LRRC72: variants seen among roughly 807,000 people sequenced by gnomAD.
LRRC72 encodes leucine-rich repeat-containing protein 72.
A neutral mutation model predicts 35.8 loss-of-function variants in LRRC72; 41 were observed. The observed-to-expected ratio is 1.15, with a 90% CI of 0.89 to 1.49. LRRC72 has a LOEUF of 1.49. LRRC72 is among the 40% of genes most tolerant of loss of function. The pLI, the probability that LRRC72 is intolerant of heterozygous loss-of-function variation, is 0.00. For synonymous variants in LRRC72, 118 were observed against 119.2 expected, an observed-to-expected ratio of 0.99 and a Z score of 0.07; for missense variants, 389 against 330.7, an observed-to-expected ratio of 1.18 and a Z score of -1.37.
In LRRC72 at chr7:16,581,537, CT is replaced by C. The variant is rs2128339756; in HGVS notation, c.*50del. The C allele has an allele frequency of 7.2e-7, 1 of 1,382,634 alleles. No individual in the cohort carries two copies. Among genetic ancestry groups the C allele is most frequent in the East Asian group, 2.7e-5 (1 of 37,366 alleles). The allele number at this position is 1,382,634 out of a possible 1,614,324, so 85.6% of individuals were successfully genotyped here. A position where few individuals can be genotyped will look rare whatever the true frequency, so the allele number is the denominator to read the frequency against. ...TAGTGGTTTTCAGTTGTATATTAAA[CT>C]TCCCTGTGACTTAGCATATTACATA... is the stretch of plus-strand genomic sequence containing the variant. On this transcript the variant is annotated 3_prime_UTR_variant, in exon 9 of 9. Coordinates refer to ENST00000401542, the MANE Select transcript of LRRC72 (RefSeq NM_001195280.2).
Position 16,546,942 on chromosome 7 carries a change from C to A in LRRC72, c.234+9246C>A, listed in dbSNP as rs1413210027. ...GTCTGGAGCAGTTGCTGCCATTATACCAGCTGCAGCAGGGAGGTATGGACA... is the reference window on the plus strand; with the variant it reads ...GTCTGGAGCAGTTGCTGCCATTATAACAGCTGCAGCAGGGAGGTATGGACA... On this transcript the variant is annotated intron_variant, in intron 3 of 8. Transcript: ENST00000401542. 3.3e-5 allele frequency among the ~76,000 whole-genome samples: 5 copies of A among 152,310 alleles called. No individual in the cohort carries two copies. The South Asian group carries it at 1.0e-3, about 32-fold the overall frequency.
chr7:16,558,823 T>C (rs1782694995), intron 4 of LRRC72, 66 bp from the exon 5 acceptor site: 1 of 967,026 alleles, frequency 1.0e-6, no homozygotes, highest in Non-Finnish European at 1.4e-6. Context: ...TTTATTTTTA[T>C]TTGCAATAAA....
chr7:16,580,094 G>A lies in LRRC72; in HGVS notation c.691G>A (p.Val231Ile), dbSNP rs1783115650. 2.5e-6 allele frequency: 1 copy of A among 406,046 alleles called. No homozygotes were observed. Among genetic ancestry groups the A allele is most frequent in the Non-Finnish European group, 4.4e-6 (1 of 228,810 alleles). The allele number at this position is 406,046 out of a possible 1,614,324, so 25.2% of individuals were successfully genotyped here. ...TTTAGATTTTGCATTTGCAAATAAT[G>A]TAGACAAGTAAGTAATTTTATCTAT... is the stretch of plus-strand genomic sequence containing the variant. ...VPSDFAFANN[V>I]DKTVLDDPED... Residue 231 changes from valine to isoleucine, a missense_variant, in exon 8 of 9, where the codon GTA becomes ATA. Transcript: ENST00000401542.
chr7:16,541,944 G>GACAC (rs111489811), intron 3 of LRRC72, among the ~76,000 whole-genome samples: 2,055 of 149,454 alleles, frequency 0.014, 40 homozygotes, highest in African/African-American at 0.045. Context: ...CAGACAGACA[G>GACAC]ACACACACAC....
At chr7:16,534,421 G>T (rs1287830380) in intron 2 of LRRC72, among the ~76,000 whole-genome samples, 2 of 152,036 alleles carry the variant, frequency 1.3e-5, no homozygotes, top group Admixed American at 1.3e-4. Context: ...GATATCAGAT[G>T]TGGGCTCGTA....
chr7:16,547,358 C>T (rs1562742179), intron 3 of LRRC72, among the ~76,000 whole-genome samples: 1 of 152,114 alleles, frequency 6.6e-6, no homozygotes, highest in Non-Finnish European at 1.5e-5. Context: ...GAGGTGGTGC[C>T]ATGCTCCACG....
At chr7:16,531,814 T>C (rs1166823436) in intron 1 of LRRC72, among the ~76,000 whole-genome samples, 1 of 152,232 alleles carries the variant, frequency 6.6e-6, no homozygotes, top group Non-Finnish European at 1.5e-5. Context: ...TTTAAATAGC[T>C]GTTGCTAAAG....
intron 1 of LRRC72, among the ~76,000 whole-genome samples, chr7:16,530,758 A>C (rs1235685751): frequency 1.3e-5 from 2 of 152,218 alleles, no homozygotes; most frequent in Non-Finnish European, 2.9e-5. Context: ...TGGCTGGATC[A>C]ATTTAAAAGC....
intron 3 of LRRC72, among the ~76,000 whole-genome samples, chr7:16,538,464 T>C (rs1024257945): frequency 1.3e-5 from 2 of 152,256 alleles, no homozygotes; most frequent in Middle Eastern, 3.4e-3. Flanking sequence ...TATCCCAGGG[T>C]TACTTAAAAC....
At chr7:16,567,223 T>C (rs1476548689) in intron 6 of LRRC72, among the ~76,000 whole-genome samples, 168 bp from the exon 7 acceptor site, 1 of 152,160 alleles carries the variant, frequency 6.6e-6, no homozygotes, top group East Asian at 1.9e-4. Context: ...TGAGTGCTTG[T>C]AAGATTATGG....
At chr7:16,535,478 C>T (rs1036152715) in intron 2 of LRRC72, among the ~76,000 whole-genome samples, 2 of 152,108 alleles carry the variant, frequency 1.3e-5, no homozygotes, top group Admixed American at 1.3e-4. Flanking sequence ...TTAGGAAAAT[C>T]ATTTTTTATA....
chr7:16,549,166 T>G (rs1192062783), intron 3 of LRRC72, among the ~76,000 whole-genome samples: 1 of 152,188 alleles, frequency 6.6e-6, no homozygotes, highest in East Asian at 1.9e-4. Context: ...GGAAGGCAAG[T>G]TGATAATATT....
chr7:16,578,128 T>C (rs1783075462), intron 7 of LRRC72, among the ~76,000 whole-genome samples: 1 of 152,208 alleles, frequency 6.6e-6, no homozygotes, highest in Admixed American at 6.5e-5. Context: ...ACAATTTAAA[T>C]GGTCATTCAT....
At chr7:16,553,640 C>T (rs1189512488) in intron 3 of LRRC72, among the ~76,000 whole-genome samples, 1 of 152,324 alleles carries the variant, frequency 6.6e-6, no homozygotes, top group East Asian at 1.9e-4. Context: ...GTGTATGCTA[C>T]TAGCATCTAC....
intron 1 of LRRC72, among the ~76,000 whole-genome samples, chr7:16,528,854 C>A (rs560032499): frequency 6.6e-6 from 1 of 152,170 alleles, no homozygotes; most frequent in South Asian, 2.1e-4. Context: ...ACCAACAAAG[C>A]AAGAGCACTA....
At chr7:16,569,319 A>T (rs756602463) in intron 7 of LRRC72, among the ~76,000 whole-genome samples, 1 of 151,802 alleles carries the variant, frequency 6.6e-6, no homozygotes, top group Non-Finnish European at 1.5e-5. Flanking sequence ...CCAGCTACTC[A>T]GGAAGCTGAG....
intron 7 of LRRC72, among the ~76,000 whole-genome samples, chr7:16,575,029 C>T (rs1011614364): frequency 3.2e-4 from 49 of 151,100 alleles, no homozygotes; most frequent in African/African-American, 1.2e-3. Context: ...GCAGGACAAT[C>T]GGTTGGACCC....
intron 3 of LRRC72, among the ~76,000 whole-genome samples, chr7:16,555,983 ACTGCTCCTC>A (rs1323783258): frequency 2.0e-5 from 3 of 152,112 alleles, no homozygotes; most frequent in Non-Finnish European, 2.9e-5. Context: ...TTAGAACATA[ACTGCTCCTC>A]CTCTATGGCT....
rs1382619739 is a variant in LRRC72, at chr7:16,532,534, G to C, written c.130G>C (p.Asp44His). The C allele has an allele frequency of 6.5e-7, 1 of 1,550,038 alleles. No individual in the cohort carries two copies. Among genetic ancestry groups the C allele is most frequent in the East Asian group, 2.4e-5 (1 of 40,912 alleles). The change falls in exon 2 of 9, where the codon GAT (aspartate) becomes CAT (histidine). Residue 44 changes from aspartate (D) to histidine (H), a missense_variant. Coordinates refer to ENST00000401542, the MANE Select transcript of LRRC72 (RefSeq NM_001195280.2). ...DQLKICGHRRDADVFELFLSK... is the reference protein window; with the variant it reads ...DQLKICGHRRHADVFELFLSK... ...GCTAAAGATATGTGGCCACAGGAGG[G>C]ATGCTGATGTCTTTGAGCTGTTCCT...
Sources: gnomAD v4.1 joint callset for allele counts (sites outside exome capture counted in the v4.1 genomes callset) on GRCh38, gnomAD v4.1.1 for gene constraint, MANE v1.5 for transcripts, NCBI Gene and HGNC (gene_info 2026-07-23, HGNC 2026-07-21) for gene names.